GHR: variants seen among roughly 807,000 people sequenced by gnomAD.
GHR encodes GH receptor.
Under a neutral mutation model 67.1 loss-of-function variants are expected in GHR, and 35 were observed. The ratio of observed to expected loss-of-function variants is 0.52; its 90% CI spans 0.40 to 0.69. The LOEUF (loss-of-function observed/expected upper bound fraction) is 0.69. Among genes scored for constraint, GHR ranks in the 30% least tolerant of loss-of-function variants. GHR has a pLI of 0.00. For synonymous variants in GHR, 272 were observed against 269.1 expected (o/e 1.01, Z -0.10); for missense variants, 792 against 764.6 (o/e 1.04, Z -0.42).
chr5:42,468,009 C>G, intron 1 of GHR: 1 of 759,724 alleles, frequency 1.3e-6, no homozygotes, highest in African/African-American at 1.7e-5. Context: ...TCACAAGCCT[C>G]TCTTAACTCA....
chr5:42,435,091 A>T (rs562601231), intron 1 of GHR, among the ~76,000 whole-genome samples: 1 of 152,334 alleles, frequency 6.6e-6, no homozygotes, highest in East Asian at 1.9e-4. Context: ...TCCCTACAGT[A>T]TCTTTTTGAG....
intron 1 of GHR, among the ~76,000 whole-genome samples, chr5:42,550,742 G>A (rs1748985089): frequency 6.6e-6 from 1 of 152,166 alleles, no homozygotes; most frequent in Admixed American, 6.5e-5. Flanking sequence ...AAGCTGGACT[G>A]TGGGAAGCCG....
intron 1 of GHR, chr5:42,465,658 A>G: frequency 1.1e-6 from 1 of 879,878 alleles, no homozygotes; most frequent in Non-Finnish European, 2.0e-6. Flanking sequence ...GAGATCTGCT[A>G]CCTCCACGTT....
intron 1 of GHR, among the ~76,000 whole-genome samples, chr5:42,480,870 G>A (rs1745597478): frequency 2.0e-5 from 3 of 152,184 alleles, no homozygotes; most frequent in African/African-American, 7.2e-5. Flanking sequence ...TTTAATTGGA[G>A]CATTTAGCCC....
intron 1 of GHR, among the ~76,000 whole-genome samples, chr5:42,459,995 C>G (rs978915967): frequency 1.3e-5 from 2 of 152,132 alleles, no homozygotes; most frequent in Non-Finnish European, 2.9e-5. Context: ...TCCAATGTGG[C>G]TGAATTTGAG....
At chr5:42,480,518 G>A (rs1272753599) in intron 1 of GHR, among the ~76,000 whole-genome samples, 2 of 152,202 alleles carry the variant, frequency 1.3e-5, no homozygotes, top group African/African-American at 2.4e-5. Context: ...TTGTGTGGGA[G>A]TCTAAGTCTC....
chr5:42,601,948 G>A (rs1752395346), intron 2 of GHR, among the ~76,000 whole-genome samples: 1 of 152,174 alleles, frequency 6.6e-6, no homozygotes, highest in Non-Finnish European at 1.5e-5. Context: ...GAAAGAGGGA[G>A]GGAGACCAAC....
chr5:42,465,487 A>C, intron 1 of GHR: 1 of 1,574,884 alleles, frequency 6.3e-7, no homozygotes. Flanking sequence ...CTTCAACTTC[A>C]TTCTCCTTAT....
chr5:42,449,435 C>T (rs766640304), intron 1 of GHR, among the ~76,000 whole-genome samples: 2 of 152,070 alleles, frequency 1.3e-5, no homozygotes, highest in African/African-American at 4.8e-5. Context: ...TGACTCTCAG[C>T]TTGGTCATTG....
At position 42,709,900 on chromosome 5, in the gene GHR, T is replaced by C. The variant is rs924828447; in HGVS notation, c.619-1307T>C. Among the ~76,000 whole-genome samples, 12 of 152,032 alleles carry C rather than the reference T, an allele frequency of 7.9e-5. No homozygotes were observed. The East Asian group carries it at 2.3e-3, about 29-fold the overall frequency. On this transcript the variant is annotated intron_variant, in intron 6 of 9. Transcript: ENST00000230882. The stretch of plus-strand genomic sequence containing the variant: ...CGAAATCTGAGTTTGGTGTGGCTGG[T>C]GTGGAGGGTTGAGGGAATATGAAGA...
chr5:42,671,057 ACAT>A (rs1756266323), intron 3 of GHR, among the ~76,000 whole-genome samples: 1 of 152,108 alleles, frequency 6.6e-6, no homozygotes, highest in African/African-American at 2.4e-5. Context: ...ATACAGCAGC[ACAT>A]CAAAAAGTTA....
intron 3 of GHR, among the ~76,000 whole-genome samples, chr5:42,651,297 C>A (rs1315445581): frequency 3.3e-5 from 5 of 152,130 alleles, no homozygotes; most frequent in African/African-American, 4.8e-5. Flanking sequence ...TGTGTATAGC[C>A]TTTCCAACAT....
chr5:42,600,918 C>CTTTTTTTTTTTTTTTTTTTTTT (rs933355797), intron 2 of GHR, among the ~76,000 whole-genome samples: 2 of 66,668 alleles, frequency 3.0e-5, no homozygotes, highest in African/African-American at 1.3e-4. Context: ...TCTTTCTATT[C>CTTTTTTTTTTTTTTTTTTTTTT]TTTTTTTTTT....
At chr5:42,641,295 C>T (rs1754464730) in intron 3 of GHR, among the ~76,000 whole-genome samples, 1 of 152,036 alleles carries the variant, frequency 6.6e-6, no homozygotes, top group African/African-American at 2.4e-5. Flanking sequence ...ACACTTACTG[C>T]CTGGATGAGT....
intron 3 of GHR, among the ~76,000 whole-genome samples, chr5:42,659,757 C>T (rs995579788): frequency 5.9e-5 from 9 of 152,076 alleles, no homozygotes; most frequent in African/African-American, 1.2e-4. Flanking sequence ...ACAGTGGGCC[C>T]GGGACAGTGG....
At chr5:42,619,927 C>T (rs1463991719) in intron 2 of GHR, 1 of 152,192 alleles carries the variant, frequency 6.6e-6, no homozygotes, top group African/African-American at 2.4e-5. Context: ...AGAGTCACTA[C>T]TACCAGTATC....
Position 42,469,299 on chromosome 5 carries a change from G to C in GHR, c.-12+45344G>C, listed in dbSNP as rs181571121. The stretch of plus-strand genomic sequence containing the variant: ...TATATTTTTATGTATACAAATAGTT[G>C]ATAAAGGAGGAAGTGTAGTGGTGGG... On this transcript the variant is annotated intron_variant, in intron 1 of 9. Coordinates refer to ENST00000230882, the MANE Select transcript of GHR (RefSeq NM_000163.5). Among the ~76,000 whole-genome samples, 4 of 152,338 alleles carry C rather than the reference G, an allele frequency of 2.6e-5. No individual in the cohort carries two copies. In the East Asian group the frequency reaches 7.7e-4, roughly 29 times the overall value.
intron 2 of GHR, among the ~76,000 whole-genome samples, chr5:42,599,357 ATTTTTTT>A (rs36037535): frequency 2.9e-5 from 3 of 103,908 alleles, no homozygotes; most frequent in Non-Finnish European, 3.7e-5. Flanking sequence ...CCTACAGCAC[ATTTTTTT>A]TTTTTTTTTT....
At chr5:42,521,655 G>T (rs964644323) in intron 1 of GHR, among the ~76,000 whole-genome samples, 41 of 152,218 alleles carry the variant, frequency 2.7e-4, no homozygotes, top group African/African-American at 9.1e-4. Context: ...GCCACACTTG[G>T]CACATATTAC....
Sources: allele counts gnomAD v4.1 joint callset (sites outside exome capture counted in the v4.1 genomes callset), GRCh38; gene constraint gnomAD v4.1.1; transcripts MANE v1.5; gene names NCBI Gene and HGNC (gene_info 2026-07-23, HGNC 2026-07-21).